COL13A1: variants seen among roughly 807,000 people sequenced by gnomAD.
COL13A1 encodes collagen type XIII alpha 1 chain, also known as collagen alpha-1(XIII) chain.
Under a neutral mutation model 130.9 loss-of-function variants are expected in COL13A1, and 89 were observed. The observed-to-expected ratio is 0.68, with a 90% confidence interval of 0.57 to 0.81. The LOEUF (loss-of-function observed/expected upper bound fraction) is 0.81, where lower values mean the gene tolerates loss of function less well. Among genes scored for constraint, COL13A1 ranks in the 30% least tolerant of loss-of-function variants. The probability of loss-of-function intolerance (pLI) is 0.00; values close to 1 mark genes in which losing one functional copy is unlikely to be tolerated. For missense variants in COL13A1, 879 were observed against 934.6 expected (o/e 0.94, Z 0.78); for synonymous variants, 402 against 341.6 (o/e 1.18, Z -1.95).
chr10:69,900,295 T>A (rs2062056032), intron 14 of COL13A1, among the ~76,000 whole-genome samples: 1 of 152,216 alleles, frequency 6.6e-6, no homozygotes, highest in Non-Finnish European at 1.5e-5. Flanking sequence ...CAGACATTGT[T>A]GTGAGAATTC....
At chr10:69,888,210 A>G in intron 8 of COL13A1, 94 bp from the exon 9 acceptor site, 1 of 1,466,084 alleles carries the variant, frequency 6.8e-7, no homozygotes, top group Admixed American at 1.9e-5. Flanking sequence ...ACTTATCAGA[A>G]TCCAGAATCT....
At chr10:69,957,140 G>T (rs567036394) in intron 40 of COL13A1, 98 bp downstream of exon 40, 11 of 1,043,078 alleles carry the variant, frequency 1.1e-5, no homozygotes, top group African/African-American at 9.4e-5. Context: ...GAGGCAGCAA[G>T]ACATAGGTCA....
chr10:69,810,301 C>T (rs1842616748), intron 1 of COL13A1, among the ~76,000 whole-genome samples: 1 of 151,024 alleles, frequency 6.6e-6, no homozygotes, highest in Non-Finnish European at 1.5e-5. Context: ...CTAACGAGCT[C>T]CTCGGGTGAT....
chr10:69,958,833 C>A lies in COL13A1; in HGVS notation c.*132C>A. 7.9e-7 allele frequency: 1 copy of A among 1,260,556 alleles called. No individual in the cohort carries two copies. Among genetic ancestry groups the A allele is most frequent in the Non-Finnish European group, 1.1e-6 (1 of 914,698 alleles). The allele number at this position is 1,260,556 out of a possible 1,614,324, so 78.1% of individuals were successfully genotyped here. On this transcript the variant is annotated 3_prime_UTR_variant, in exon 41 of 41. Coordinates refer to ENST00000645393, the MANE Select transcript of COL13A1 (RefSeq NM_001368882.1). ...TTATTAAAAAAGAAAGAAAAACCTGCATATTTTGTACAGAAAATATCAACC... is the reference window on the plus strand; with the variant it reads ...TTATTAAAAAAGAAAGAAAAACCTGAATATTTTGTACAGAAAATATCAACC...
chr10:69,922,682 A>T, intron 22 of COL13A1, 26 bp from the exon 23 acceptor site: 1 of 1,574,108 alleles, frequency 6.4e-7, no homozygotes, highest in Admixed American at 1.8e-5. Context: ...CACACCAGGG[A>T]TGCTAACTCC....
At chr10:69,872,761 A>G (rs1262667842) in intron 4 of COL13A1, among the ~76,000 whole-genome samples, 1 of 152,234 alleles carries the variant, frequency 6.6e-6, no homozygotes, top group African/African-American at 2.4e-5. Context: ...TGCATTTATC[A>G]TGTTTCACAC....
At position 69,886,259 on chromosome 10, in the gene COL13A1, A is replaced by G. The variant is rs555352700; in HGVS notation, c.514-1197A>G. On this transcript the variant is annotated intron_variant, in intron 7 of 40. Coordinates refer to ENST00000645393, the MANE Select transcript of COL13A1 (RefSeq NM_001368882.1). ...GGCAGCTACCATTTCAATAGGCTTT[A>G]CAAACATAATTAAATGTAATTTGAT... Among the ~76,000 whole-genome samples the G allele has an allele frequency of 5.9e-5, 9 of 152,358 alleles. 1 individual carries two copies. In the South Asian group the frequency reaches 1.9e-3, roughly 32 times the overall value.
intron 35 of COL13A1, among the ~76,000 whole-genome samples, chr10:69,941,267 G>A (rs375860989): frequency 6.6e-6 from 1 of 152,190 alleles, no homozygotes; most frequent in Non-Finnish European, 1.5e-5. Context: ...CCTGCCAGGT[G>A]TGGGGTGGGA....
intron 2 of COL13A1, among the ~76,000 whole-genome samples, chr10:69,827,880 C>T (rs1190296290): frequency 6.6e-6 from 1 of 152,166 alleles, no homozygotes; most frequent in Non-Finnish European, 1.5e-5. Context: ...CTCTTACCTC[C>T]CCTGTGCTGC....
chr10:69,894,875 T>C (rs1261046601), intron 12 of COL13A1, among the ~76,000 whole-genome samples, 174 bp downstream of exon 12: 1 of 152,198 alleles, frequency 6.6e-6, no homozygotes, highest in Non-Finnish European at 1.5e-5. Flanking sequence ...GACATCCTTT[T>C]CTTGGAGTGA....
chr10:69,832,336 G>A (rs1849021199), intron 2 of COL13A1, among the ~76,000 whole-genome samples: 1 of 152,200 alleles, frequency 6.6e-6, no homozygotes, highest in African/African-American at 2.4e-5. Flanking sequence ...GCCTTAGTTG[G>A]AATCCCAGCT....
chr10:69,813,572 T>C (rs1165768626), intron 1 of COL13A1, among the ~76,000 whole-genome samples: 3 of 152,166 alleles, frequency 2.0e-5, no homozygotes, highest in East Asian at 3.9e-4. Context: ...AGGTGCCAAG[T>C]CCACTGCACG....
chr10:69,904,076 AG>A (rs1235618354), intron 15 of COL13A1, among the ~76,000 whole-genome samples: 3 of 152,128 alleles, frequency 2.0e-5, no homozygotes, highest in African/African-American at 7.2e-5. Flanking sequence ...CACCCCAGAG[AG>A]GGGGGTTAGT....
rs776515681 is a variant in COL13A1 at position 69,957,174 on chromosome 10, G to T, written c.2184+132G>T. On this transcript the variant is annotated intron_variant, in intron 40 of 40. Transcript: ENST00000645393. The stretch of plus-strand genomic sequence containing the variant: ...CAAATAGTCACTGTCTCAAAGGCAG[G>T]GTGCCCATTAAACATCCCATACACT... 6.6e-6 allele frequency: 5 copies of T among 755,028 alleles called. No homozygotes were observed. In the African/African-American group the frequency reaches 6.9e-5, roughly 10 times the overall value. 46.8% of individuals were successfully genotyped at this position (755,028 alleles called of 1,614,324 possible).
intron 2 of COL13A1, among the ~76,000 whole-genome samples, chr10:69,857,692 A>C (rs1039882529): frequency 7.9e-5 from 12 of 151,848 alleles, no homozygotes; most frequent in Non-Finnish European, 1.3e-4. Context: ...CTGCTGCCCT[A>C]GAATCAGCCT....
intron 2 of COL13A1, among the ~76,000 whole-genome samples, chr10:69,858,700 A>G (rs1201813000): frequency 1.3e-5 from 2 of 152,232 alleles, no homozygotes; most frequent in East Asian, 3.8e-4. Context: ...GAATGAGGCC[A>G]CATGGTCCTC....
chr10:69,922,330 G>C (rs2071533134), intron 22 of COL13A1, among the ~76,000 whole-genome samples: 1 of 152,132 alleles, frequency 6.6e-6, no homozygotes, highest in Non-Finnish European at 1.5e-5. Flanking sequence ...CCTGTTAGAG[G>C]CCTGAGCACC....
chr10:69,835,080 T>A (rs1477738128), intron 2 of COL13A1, among the ~76,000 whole-genome samples: 2 of 152,138 alleles, frequency 1.3e-5, no homozygotes, highest in Non-Finnish European at 2.9e-5. Flanking sequence ...CAGGGCCCTG[T>A]GCCCCTTCAC....
At position 69,870,329 on chromosome 10, in the gene COL13A1, G is replaced by A. The variant is rs539805593; in HGVS notation, c.373-1855G>A. Among the ~76,000 whole-genome samples the A allele has an allele frequency of 4.9e-4, 74 of 150,666 alleles. No individual in the cohort carries two copies. In the South Asian group the frequency reaches 0.016, roughly 32 times the overall value. On this transcript the variant is annotated intron_variant, in intron 3 of 40. Transcript: ENST00000645393. ...AAAAAACTTTTTTGGGTGAGAGAGT[G>A]AGAGGCAGGGTCTCACTCTCTCACC...
Sources: allele counts gnomAD v4.1 joint callset (sites outside exome capture counted in the v4.1 genomes callset), GRCh38; gene constraint gnomAD v4.1.1; transcripts MANE v1.5; gene names NCBI Gene and HGNC (gene_info 2026-07-23, HGNC 2026-07-21).